The following IQCE variants were observed in gnomAD, a reference collection of about 807,000 sequenced individuals.
IQCE encodes IQ motif containing E, also known as IQ domain-containing protein E.
Under a neutral mutation model 96.0 loss-of-function variants are expected in IQCE, and 115 were observed. The ratio of observed to expected loss-of-function variants is 1.20; its 90% CI spans 1.03 to 1.40. The LOEUF (loss-of-function observed/expected upper bound fraction) is 1.40, where lower values mean the gene tolerates loss of function less well. Ranked by LOEUF, IQCE falls within the 40% of genes most tolerant of loss-of-function variation. IQCE has a pLI of 0.00. For missense variants in IQCE, 1,041 were observed against 909.1 expected, an observed-to-expected ratio of 1.15 and a Z score of -1.87; for synonymous variants, 412 against 371.2, an observed-to-expected ratio of 1.11 and a Z score of -1.26.
At chr7:2,606,625 C>T (rs1183177492) in intron 20 of IQCE, among the ~76,000 whole-genome samples, 1 of 151,646 alleles carries the variant, frequency 6.6e-6, no homozygotes, top group Non-Finnish European at 1.5e-5. Context: ...GGTGGAGCCG[C>T]GCGGCCACCC....
Position 2,607,120 on chromosome 7 carries a change from C to G in IQCE, c.1866-4C>G. 6.3e-7 allele frequency: 1 copy of G among 1,581,262 alleles called. No individual in the cohort carries two copies. Among genetic ancestry groups the G allele is most frequent in the Non-Finnish European group, 8.6e-7 (1 of 1,166,436 alleles). On this transcript the variant is annotated splice_polypyrimidine_tract_variant and splice_region_variant and intron_variant, in intron 20 of 21. Transcript: ENST00000402050. Reference sequence around the variant, plus strand: ...ATCAGCTGGCGTTTTCTGTTTTTTTCCAGTGCTACCGGTAAAAGAACCACC... The same window carrying G: ...ATCAGCTGGCGTTTTCTGTTTTTTTGCAGTGCTACCGGTAAAAGAACCACC...
intron 16 of IQCE, among the ~76,000 whole-genome samples, chr7:2,596,647 G>A (rs2969016): frequency 0.18 from 27,915 of 152,126 alleles, 2,957 homozygotes; most frequent in East Asian, 0.41. Flanking sequence ...GAATTTATAA[G>A]CGTGTGAAAA....
chr7:2,572,266 G>C lies in IQCE; in HGVS notation c.334G>C (p.Asp112His). 1 of 1,614,152 alleles carries C rather than the reference G, an allele frequency of 6.2e-7. No individual in the cohort carries two copies. Among genetic ancestry groups the C allele is most frequent in the Non-Finnish European group, 8.5e-7 (1 of 1,179,976 alleles). ...AWTGVPGGTP[D>H]CLTDTFRVKR... is the part of the protein sequence containing the mutation. ...GACTGGCGTCCCCGGCGGCACTCCT[G>C]ACTGTCTGACAGACACCTTCAGAGT... Residue 112 changes from aspartate (D) to histidine (H), a missense_variant, in exon 5 of 22, where the codon GAC becomes CAC. Physicochemically the swap from Asp to His is moderately conservative, Grantham distance 81. Transcript: ENST00000402050.
At chr7:2,602,949 G>A (rs1250865750) in intron 18 of IQCE, among the ~76,000 whole-genome samples, 2 of 152,174 alleles carry the variant, frequency 1.3e-5, no homozygotes, top group Non-Finnish European at 2.9e-5. Context: ...CTGCCCACCT[G>A]GCCCACCACA....
intron 15 of IQCE, among the ~76,000 whole-genome samples, chr7:2,594,649 G>T (rs563558585): frequency 2.6e-5 from 4 of 152,350 alleles, no homozygotes; most frequent in South Asian, 2.1e-4. Context: ...CCACGGCCTC[G>T]TGGGGCTTCC....
intron 15 of IQCE, among the ~76,000 whole-genome samples, chr7:2,594,121 A>G (rs1783831476): frequency 6.6e-6 from 1 of 152,190 alleles, no homozygotes; most frequent in Admixed American, 6.5e-5. Context: ...TTAGCCGGGC[A>G]CAGTGACAGG....
At chr7:2,595,101 A>C (rs1783920055) in intron 16 of IQCE, 125 bp downstream of exon 16, 2 of 694,922 alleles carry the variant, frequency 2.9e-6, no homozygotes, top group South Asian at 3.2e-5. Context: ...CCCCTTTATC[A>C]TCACCATTGA....
At position 2,583,664 on chromosome 7, in the gene IQCE, C is replaced by T; in HGVS notation, c.729C>T (p.Thr243=). 2 of 1,587,920 alleles carry T rather than the reference C, an allele frequency of 1.3e-6. No individual in the cohort carries two copies. Among genetic ancestry groups the T allele is most frequent in the Non-Finnish European group, 1.7e-6 (2 of 1,164,160 alleles). The change falls in exon 10 of 22, where the codon ACC becomes ACT. Residue 243 remains threonine (T), a synonymous_variant. Transcript: ENST00000402050. The part of the protein sequence containing the change: ...ISKLQTDMKT[T]NLEEMRIAME... ...AACTCCAGACCGATATGAAGACTAC[C>T]AACCTGGAAGAGATGCGGATCGCCA...
At chr7:2,561,373 G>A (rs1267380346) in intron 1 of IQCE, among the ~76,000 whole-genome samples, 1 of 151,476 alleles carries the variant, frequency 6.6e-6, no homozygotes, top group Non-Finnish European at 1.5e-5. Context: ...ATTGTATATT[G>A]AATTTTCTTA....
intron 14 of IQCE, among the ~76,000 whole-genome samples, chr7:2,592,266 T>C (rs1783659698): frequency 6.6e-6 from 1 of 152,190 alleles, no homozygotes; most frequent in Admixed American, 6.5e-5. Flanking sequence ...TTGTAAAAAT[T>C]AGTATTTCAC....
intron 18 of IQCE, 180 bp downstream of exon 18, chr7:2,601,644 G>A: frequency 5.2e-6 from 3 of 578,178 alleles, no homozygotes; most frequent in Non-Finnish European, 9.4e-6. Context: ...CCGCCTCCTG[G>A]GTTCAAGCGA....
intron 20 of IQCE, 76 bp from the exon 21 acceptor site, chr7:2,607,048 T>C (rs1784884710): frequency 7.4e-7 from 1 of 1,343,834 alleles, no homozygotes; most frequent in Non-Finnish European, 1.0e-6. Flanking sequence ...AGCAAATTAC[T>C]GAGGCTGCTG....
chr7:2,579,597 C>T (rs970515546), intron 8 of IQCE, among the ~76,000 whole-genome samples: 3 of 152,088 alleles, frequency 2.0e-5, no homozygotes, highest in Admixed American at 1.3e-4. Flanking sequence ...ATGGTGAAAG[C>T]CTAGCTCGGC....
rs746070525 is a variant in IQCE at position 2,607,079 on chromosome 7, ACT to A, written c.1866-40_1866-39del. The A allele has an allele frequency of 2.6e-6, 4 of 1,509,752 alleles. No homozygotes were observed. The Admixed American group carries it at 6.3e-5, about 24-fold the overall frequency. The allele number at this position is 1,509,752 out of a possible 1,614,324, so 93.5% of individuals were successfully genotyped here. A position where few individuals can be genotyped will look rare whatever the true frequency, so the allele number is the denominator to read the frequency against. ...TGCTGTAAACCTCAGAGAGGTTTGT[ACT>A]CTCTAAAAGCAGAATCAGCTGGCGT... On this transcript the variant is annotated intron_variant, in intron 20 of 21. Coordinates refer to ENST00000402050, the MANE Select transcript of IQCE (RefSeq NM_152558.5).
intron 18 of IQCE, among the ~76,000 whole-genome samples, chr7:2,602,967 T>C (rs772353042): frequency 5.9e-5 from 9 of 152,168 alleles, no homozygotes; most frequent in Non-Finnish European, 1.2e-4. Context: ...ACACTGCCCC[T>C]GAGGAAGGGA....
chr7:2,597,539 G>A (rs752253822), intron 16 of IQCE, among the ~76,000 whole-genome samples: 6 of 152,272 alleles, frequency 3.9e-5, no homozygotes, highest in Admixed American at 2.0e-4. Flanking sequence ...GTCTCCCTCC[G>A]GGGAGGGCTT....
At chr7:2,578,379 C>T (rs369557805) in intron 7 of IQCE, 24 bp downstream of exon 7, 34 of 1,611,306 alleles carry the variant, frequency 2.1e-5, no homozygotes, top group Admixed American at 3.3e-5. Flanking sequence ...GCTTCACGGA[C>T]GGGGCAAGGG....
chr7:2,587,404 A>G (rs943327493), intron 12 of IQCE, among the ~76,000 whole-genome samples: 1 of 151,194 alleles, frequency 6.6e-6, no homozygotes, highest in African/African-American at 2.4e-5. Flanking sequence ...ACTTGGCGGT[A>G]TATGGGGGAG....
chr7:2,559,292 G>A, intron 1 of IQCE, 75 bp downstream of exon 1: 1 of 953,260 alleles, frequency 1.0e-6, no homozygotes, highest in Non-Finnish European at 1.3e-6. Flanking sequence ...CCGCAGCCTC[G>A]GGGCCCCGCG....
Sources: gnomAD v4.1 joint callset for allele counts (sites outside exome capture counted in the v4.1 genomes callset) on GRCh38, gnomAD v4.1.1 for gene constraint, MANE v1.5 for transcripts, NCBI Gene and HGNC (gene_info 2026-07-23, HGNC 2026-07-21) for gene names.